HDAC8: variants seen among roughly 807,000 people sequenced by gnomAD.
HDAC8 encodes the protein histone deacetylase 8.
A neutral mutation model predicts 32.2 loss-of-function variants in HDAC8; 1 was observed. That is an observed-to-expected ratio of 0.03 (90% confidence interval 0.01 to 0.15). The LOEUF (loss-of-function observed/expected upper bound fraction) is 0.15. Ranked by LOEUF, HDAC8 falls within the 10% of genes least tolerant of loss-of-function variation. HDAC8 has a pLI of 1.00. For synonymous variants in HDAC8, 108 were observed against 113.9 expected (o/e 0.95, Z 0.33); for missense variants, 117 against 300.0 (o/e 0.39, Z 4.51).
At chrX:72,357,912 CTTTT>C (rs1196329730) in intron 9 of HDAC8, among the ~76,000 whole-genome samples, 1 of 104,415 alleles carries the variant, frequency 9.6e-6, no homozygotes, top group African/African-American at 3.5e-5. Context: ...TTCTTTCTTT[CTTTT>C]TTTTTTTAGA....
intron 9 of HDAC8, among the ~76,000 whole-genome samples, chrX:72,427,031 T>A (rs1370698656): frequency 9.1e-6 from 1 of 110,432 alleles, no homozygotes; most frequent in Non-Finnish European, 1.9e-5. Flanking sequence ...ATCTGGTACT[T>A]CCAGTCTCCA....
chrX:72,339,296 C>T (rs374884017), intron 10 of HDAC8, among the ~76,000 whole-genome samples: 55 of 112,512 alleles, frequency 4.9e-4, no homozygotes, highest in African/African-American at 1.8e-3. Context: ...GGCCTAGGCC[C>T]TGTGCTGGGT....
intron 10 of HDAC8, among the ~76,000 whole-genome samples, chrX:72,330,402 A>G (rs1358088839): frequency 1.8e-5 from 2 of 111,544 alleles, no homozygotes; most frequent in Admixed American, 1.9e-4. Context: ...CTCAATTGCC[A>G]ATCTATAGAG....
At chrX:72,572,629 C>T in intron 1 of HDAC8, 22 bp downstream of exon 1, 2 of 703,527 alleles carry the variant, frequency 2.8e-6, no homozygotes, top group Non-Finnish European at 4.0e-6. Context: ...AGCCCATGGT[C>T]TTTCATCCCG....
chrX:72,477,729 A>G (rs1025893333), intron 7 of HDAC8, among the ~76,000 whole-genome samples: 1 of 112,744 alleles, frequency 8.9e-6, no homozygotes, highest in Admixed American at 9.4e-5. Context: ...ACTTTTAAGT[A>G]CTGCACATAG....
At chrX:72,393,281 G>GAAGA (rs2045662218) in intron 9 of HDAC8, among the ~76,000 whole-genome samples, 1 of 111,660 alleles carries the variant, frequency 9.0e-6, no homozygotes, top group African/African-American at 3.3e-5. Flanking sequence ...ATTGTACAGT[G>GAAGA]AAGAAAGAAA....
At chrX:72,483,114 G>C (rs1278035763) in intron 7 of HDAC8, among the ~76,000 whole-genome samples, 1 of 111,987 alleles carries the variant, frequency 8.9e-6, no homozygotes, top group Non-Finnish European at 1.9e-5. Context: ...ACACAAGAAT[G>C]CATGTCAAAT....
At chrX:72,388,203 G>T (rs1376894555) in intron 9 of HDAC8, among the ~76,000 whole-genome samples, 3 of 109,261 alleles carry the variant, frequency 2.7e-5, no homozygotes, top group South Asian at 8.0e-4. Context: ...GTTCTGGGAG[G>T]GTGTGTGTGT....
intron 4 of HDAC8, among the ~76,000 whole-genome samples, chrX:72,566,463 T>A (rs1311569677): frequency 1.8e-5 from 2 of 112,499 alleles, no homozygotes; most frequent in African/African-American, 6.5e-5. Context: ...AACTAGTAAA[T>A]TCTAGCAGTA....
At chrX:72,553,296 G>T (rs906316770) in intron 4 of HDAC8, among the ~76,000 whole-genome samples, 9 of 111,230 alleles carry the variant, frequency 8.1e-5, no homozygotes, top group African/African-American at 2.6e-4. Flanking sequence ...CGCCTGCCTC[G>T]GTCTCCCAAA....
intron 9 of HDAC8, among the ~76,000 whole-genome samples, chrX:72,449,711 A>T (rs2047522169): frequency 9.1e-6 from 1 of 110,368 alleles, no homozygotes; most frequent in African/African-American, 3.3e-5. Flanking sequence ...AGAATAGGTT[A>T]AAAAAAAACA....
chrX:72,399,749 A>G (rs1011747019), intron 9 of HDAC8, among the ~76,000 whole-genome samples: 1 of 112,276 alleles, frequency 8.9e-6, no homozygotes, highest in Non-Finnish European at 1.9e-5. Flanking sequence ...ATAAAGTTTT[A>G]TAATTTCTTC....
At chrX:72,343,619 T>C (rs1467365858) in intron 10 of HDAC8, among the ~76,000 whole-genome samples, 5 of 111,382 alleles carry the variant, frequency 4.5e-5, no homozygotes, top group African/African-American at 1.6e-4. Context: ...TTATTGTCTA[T>C]CTTCCACACT....
chrX:72,382,852 A>C (rs1245949480), intron 9 of HDAC8, among the ~76,000 whole-genome samples: 3 of 111,999 alleles, frequency 2.7e-5, no homozygotes, highest in Non-Finnish European at 5.6e-5. Context: ...AAACCCACTG[A>C]ATTGCACTCT....
At chrX:72,449,041 C>A (rs1399669880) in intron 9 of HDAC8, among the ~76,000 whole-genome samples, 1 of 112,046 alleles carries the variant, frequency 8.9e-6, no homozygotes, top group African/African-American at 3.2e-5. Context: ...ACCAGAAATA[C>A]CATTTGACCC....
intron 9 of HDAC8, among the ~76,000 whole-genome samples, chrX:72,382,254 C>G (rs1482442483): frequency 2.7e-5 from 3 of 112,534 alleles, no homozygotes; most frequent in Non-Finnish European, 5.6e-5. Flanking sequence ...GCCAGAAACA[C>G]AAGCTATGAG....
At chrX:72,475,268 T>C (rs1269879466) in intron 7 of HDAC8, among the ~76,000 whole-genome samples, 1 of 111,913 alleles carries the variant, frequency 8.9e-6, no homozygotes, top group Non-Finnish European at 1.9e-5. Context: ...GAGAAAAATA[T>C]TTGCTACTAA....
intron 4 of HDAC8, among the ~76,000 whole-genome samples, chrX:72,545,808 T>G (rs1434616894): frequency 2.7e-5 from 3 of 112,178 alleles, no homozygotes; most frequent in Non-Finnish European, 5.6e-5. Context: ...ACAGAACAGT[T>G]GTGAATAGCA....
chrX:72,504,538 TCA>T (rs782121642), intron 4 of HDAC8, among the ~76,000 whole-genome samples: 2 of 109,718 alleles, frequency 1.8e-5, no homozygotes, highest in Admixed American at 9.7e-5. Flanking sequence ...TAATATTCCA[TCA>T]CACACACACA....
Sources: allele counts gnomAD v4.1 joint callset (sites outside exome capture counted in the v4.1 genomes callset), GRCh38; gene constraint gnomAD v4.1.1; transcripts MANE v1.5; gene names NCBI Gene and HGNC (gene_info 2026-07-23, HGNC 2026-07-21).